Variants in FAM53A observed in about 807,000 individuals in gnomAD.
The protein encoded by FAM53A is family with sequence similarity 53 member A, also known as protein FAM53A.
Under a neutral mutation model 26.6 loss-of-function variants are expected in FAM53A, and 28 were observed. That is an observed-to-expected ratio of 1.05 (90% CI 0.78 to 1.45). FAM53A has a LOEUF of 1.45. Ranked by LOEUF, FAM53A falls within the 40% of genes most tolerant of loss-of-function variation. FAM53A has a pLI of 0.00. For synonymous variants in FAM53A, 290 were observed against 253.1 expected, an observed-to-expected ratio of 1.15 and a Z score of -1.38; for missense variants, 650 against 575.8, an observed-to-expected ratio of 1.13 and a Z score of -1.32.
At chr4:1,621,466 C>T (rs1715033502) in intron 1 of FAM53A, among the ~76,000 whole-genome samples, 1 of 152,186 alleles carries the variant, frequency 6.6e-6, no homozygotes, top group Non-Finnish European at 1.5e-5. Flanking sequence ...CACATCTCAT[C>T]AGACAGAACT....
chr4:1,647,443 G>A (rs990121741), intron 4 of FAM53A, among the ~76,000 whole-genome samples: 8 of 152,186 alleles, frequency 5.3e-5, no homozygotes, highest in Admixed American at 1.3e-4. Context: ...TGCTCAGAGA[G>A]CAGCCCTCTG....
the FAM53A span, among the ~76,000 whole-genome samples, chr4:1,612,381 C>A: frequency 6.6e-6 from 1 of 152,212 alleles, no homozygotes; most frequent in Non-Finnish European, 1.5e-5. Context: ...CTACTGGGCT[C>A]CCGCCAGGGC....
chr4:1,611,437 A>G, the FAM53A span, among the ~76,000 whole-genome samples: 1 of 152,198 alleles, frequency 6.6e-6, no homozygotes, highest in Non-Finnish European at 1.5e-5. Context: ...CAGGTCACAG[A>G]GGCTCCTCAC....
intron 2 of FAM53A, among the ~76,000 whole-genome samples, chr4:1,666,939 C>T (rs1429910061): frequency 6.6e-6 from 1 of 152,146 alleles, no homozygotes; most frequent in Non-Finnish European, 1.5e-5. Flanking sequence ...ACCAGCCTGA[C>T]CAACATGGTG....
chr4:1,624,267 G>A (rs962774773), intron 1 of FAM53A, among the ~76,000 whole-genome samples: 2 of 152,312 alleles, frequency 1.3e-5, no homozygotes, highest in African/African-American at 4.8e-5. Context: ...CAGGGCCCAC[G>A]GCAGGCAGGG....
the FAM53A span, among the ~76,000 whole-genome samples, chr4:1,598,788 G>T: frequency 1.3e-5 from 2 of 152,246 alleles, no homozygotes; most frequent in East Asian, 3.8e-4. Context: ...TTTAAGAGCC[G>T]CAGGATGGAG....
downstream of FAM53A, among the ~76,000 whole-genome samples, chr4:1,614,621 G>A (rs779183440): frequency 1.6e-4 from 24 of 152,220 alleles, no homozygotes; most frequent in Admixed American, 3.9e-4. Flanking sequence ...GTCAGCCGTC[G>A]CTGCCCCTGG....
At chr4:1,608,458 G>A in the FAM53A span, among the ~76,000 whole-genome samples, 11 of 152,220 alleles carry the variant, frequency 7.2e-5, no homozygotes, top group African/African-American at 2.4e-4. Context: ...CGCCAGCCAC[G>A]GGTGGAGGCT....
chr4:1,601,234 G>A, the FAM53A span, among the ~76,000 whole-genome samples: 1 of 119,860 alleles, frequency 8.3e-6, no homozygotes, highest in Non-Finnish European at 2.0e-5. Context: ...GCAACAGGTC[G>A]GACACCCACC....
chr4:1,658,097 G>A (rs1160519380), intron 2 of FAM53A, among the ~76,000 whole-genome samples: 2 of 151,094 alleles, frequency 1.3e-5, no homozygotes, highest in Non-Finnish European at 2.9e-5. Flanking sequence ...TACAAGCTCT[G>A]CCTCCCGGGT....
At chr4:1,644,426 C>A (rs1275880216) in intron 4 of FAM53A, 3 of 1,480,428 alleles carry the variant, frequency 2.0e-6, no homozygotes, top group East Asian at 2.5e-5. Flanking sequence ...ACAGACACGG[C>A]AGCTGTACAG....
At chr4:1,649,158 A>G (rs1188398443) in intron 4 of FAM53A, among the ~76,000 whole-genome samples, 2,572 of 81,702 alleles carry the variant, frequency 0.031, 42 homozygotes, top group Middle Eastern at 0.062. Flanking sequence ...GGAAGGGGAA[A>G]GGGAAGGGGA....
chr4:1,668,226 G>A (rs1032090706), intron 2 of FAM53A, among the ~76,000 whole-genome samples: 10 of 151,110 alleles, frequency 6.6e-5, no homozygotes, highest in East Asian at 1.9e-4. Flanking sequence ...TGCAAGCTCC[G>A]CCTCCCGGGT....
the FAM53A span, among the ~76,000 whole-genome samples, chr4:1,600,167 G>C: frequency 6.6e-6 from 1 of 152,182 alleles, no homozygotes; most frequent in Admixed American, 6.5e-5. Flanking sequence ...GCCAAGCCCT[G>C]CTGCCGGTTT....
chr4:1,594,696 G>A, the FAM53A span, among the ~76,000 whole-genome samples: 6 of 152,168 alleles, frequency 3.9e-5, no homozygotes, highest in African/African-American at 1.2e-4. Context: ...GCAAAAGTTA[G>A]CCGGGTGTGG....
At chr4:1,622,811 C>T (rs144608439) in intron 1 of FAM53A, among the ~76,000 whole-genome samples, 49 of 152,332 alleles carry the variant, frequency 3.2e-4, no homozygotes, top group Non-Finnish European at 5.9e-4. Context: ...TCCTGAAGCC[C>T]CCACCAGGCC....
intron 1 of FAM53A, among the ~76,000 whole-genome samples, chr4:1,669,210 G>C (rs1333220289): frequency 6.6e-6 from 1 of 152,150 alleles, no homozygotes; most frequent in Non-Finnish European, 1.5e-5. Flanking sequence ...ATGATGGCAA[G>C]GACATTCTGG....
chr4:1,626,211 G>A (rs906674664), intron 1 of FAM53A, among the ~76,000 whole-genome samples: 4 of 152,216 alleles, frequency 2.6e-5, no homozygotes, highest in Non-Finnish European at 5.9e-5. Flanking sequence ...TGGCCCAGGA[G>A]GAGGAGGTAG....
the FAM53A span, among the ~76,000 whole-genome samples, chr4:1,610,397 T>A: frequency 7.2e-5 from 11 of 152,162 alleles, no homozygotes; most frequent in African/African-American, 2.7e-4. Flanking sequence ...AGGGGAGGGA[T>A]GAACAAGTGA....
Sources: gnomAD v4.1 joint callset for allele counts (sites outside exome capture counted in the v4.1 genomes callset) on GRCh38, gnomAD v4.1.1 for gene constraint, MANE v1.5 for transcripts, NCBI Gene and HGNC (gene_info 2026-07-23, HGNC 2026-07-21) for gene names.